Variants in MOG observed in about 807,000 individuals in gnomAD.
MOG encodes the protein myelin-oligodendrocyte glycoprotein.
A neutral mutation model predicts 35.9 loss-of-function variants in MOG; 20 were observed. The ratio of observed to expected loss-of-function variants is 0.56; its 90% CI spans 0.39 to 0.81. MOG has a LOEUF of 0.81. Among genes scored for constraint, MOG ranks in the 30% least tolerant of loss-of-function variants. MOG has a pLI of 0.00. For missense variants in MOG, 251 were observed against 301.0 expected (o/e 0.83, Z 1.23); for synonymous variants, 92 against 114.3 (o/e 0.80, Z 1.25).
At chr6:29,668,810 G>A (rs1304573002) in intron 5 of MOG, among the ~76,000 whole-genome samples, 1 of 152,122 alleles carries the variant, frequency 6.6e-6, no homozygotes, top group Non-Finnish European at 1.5e-5. Flanking sequence ...GGACCCCTTT[G>A]CAGAATGTTT....
intron 2 of MOG, 96 bp downstream of exon 2, chr6:29,659,762 A>C: frequency 6.2e-6 from 6 of 972,456 alleles, no homozygotes; most frequent in Non-Finnish European, 9.6e-6. Context: ...CAAACATCTC[A>C]GTCCTGGGAA....
At chr6:29,668,170 A>G (rs572060201) in intron 5 of MOG, among the ~76,000 whole-genome samples, 5 of 152,142 alleles carry the variant, frequency 3.3e-5, no homozygotes, top group Non-Finnish European at 7.4e-5. Flanking sequence ...ATTCTGTTTA[A>G]CTCCTTATGC....
intron 5 of MOG, among the ~76,000 whole-genome samples, chr6:29,668,839 T>C (rs531673729): frequency 1.1e-4 from 16 of 152,130 alleles, no homozygotes; most frequent in African/African-American, 2.9e-4. Flanking sequence ...ACACATAAAA[T>C]AGAACACATA....
rs1302566888 is a variant in MOG, at chr6:29,667,626, G to T, written c.551-17G>T. On this transcript the variant is annotated splice_polypyrimidine_tract_variant and intron_variant, in intron 3 of 7. Coordinates refer to ENST00000376917, the MANE Select transcript of MOG (RefSeq NM_206809.4). The stretch of plus-strand genomic sequence containing the variant: ...CAGAACATGCAGGAACTAAAATGTT[G>T]CCTTTTTCTATTTTAGGAAAACTTC... 1.2e-6 allele frequency: 2 copies of T among 1,613,928 alleles called. No homozygotes were observed. The highest frequency in any genetic ancestry group is 2.7e-5 in the African/African-American group (2 of 75,006).
chr6:29,670,048 C>A lies in MOG; in HGVS notation c.593-233C>A. 1 of 770,742 alleles carries A rather than the reference C, an allele frequency of 1.3e-6. No homozygotes were observed. Among genetic ancestry groups the A allele is most frequent in the Non-Finnish European group, 2.3e-6 (1 of 437,042 alleles). 47.7% of individuals were successfully genotyped at this position (770,742 alleles called of 1,614,324 possible). ...ACTCCCAGAGTGTTGGGATTACAGG[C>A]ATGAGCCACCACACCTGGCAGTTGT... is the stretch of plus-strand genomic sequence containing the variant. On this transcript the variant is annotated intron_variant, in intron 5 of 7. Coordinates refer to ENST00000376917, the MANE Select transcript of MOG (RefSeq NM_206809.4). The surrounding 1 kb of genome is among the most constrained non-coding windows in gnomAD (Gnocchi z 4.2).
Position 29,667,901 on chromosome 6 carries a change from C to T in MOG, c.572-3C>T. The T allele has an allele frequency of 6.2e-7, 1 of 1,613,404 alleles. No homozygotes were observed. The highest frequency in any genetic ancestry group is 8.5e-7 in the Non-Finnish European group (1 of 1,179,918). ...AATCCATTTCCATTTGTTTCTCTTT[C>T]AGAGAATCTCCACCGGACTTTTGGT... On this transcript the variant is annotated splice_polypyrimidine_tract_variant and splice_region_variant and intron_variant, in intron 4 of 7. Transcript: ENST00000376917.
chr6:29,670,254 C>T lies in MOG; in HGVS notation c.593-27C>T. Reference sequence around the variant, plus strand: ...GGGCATGAGGGGGAACACATGTTAACCCTGTTTGTTCTGGTGAACAATTCA... The same window carrying T: ...GGGCATGAGGGGGAACACATGTTAATCCTGTTTGTTCTGGTGAACAATTCA... On this transcript the variant is annotated intron_variant, in intron 5 of 7. Transcript: ENST00000376917. The surrounding 1 kb of genome is among the most constrained non-coding windows in gnomAD (Gnocchi z 4.2). 6.2e-7 allele frequency: 1 copy of T among 1,614,140 alleles called. No homozygotes were observed. Among genetic ancestry groups the T allele is most frequent in the African/African-American group, 1.3e-5 (1 of 75,030 alleles).
chr6:29,667,714 A>G (rs1414477763), intron 4 of MOG, 51 bp downstream of exon 4: 1 of 1,608,708 alleles, frequency 6.2e-7, no homozygotes, highest in East Asian at 2.2e-5. Flanking sequence ...GTTTTTTGGC[A>G]TAACGGAAAT....
Position 29,671,244 on chromosome 6 carries a change from G to A in MOG, c.*59G>A. On this transcript the variant is annotated 3_prime_UTR_variant, in exon 8 of 8. Transcript: ENST00000376917. Reference sequence around the variant, plus strand: ...CCTGGTTGCCCAGGGATTTGTCCTTGGGGACATCTCATCCATCAAGTTGCA... The same window carrying A: ...CCTGGTTGCCCAGGGATTTGTCCTTAGGGACATCTCATCCATCAAGTTGCA... 1 of 1,612,390 alleles carries A rather than the reference G, an allele frequency of 6.2e-7. No individual in the cohort carries two copies. The highest frequency in any genetic ancestry group is 8.5e-7 in the Non-Finnish European group (1 of 1,180,040).
In MOG at chr6:29,671,223, G is replaced by A. The variant is rs767668109; in HGVS notation, c.*38G>A. The A allele has an allele frequency of 1.9e-6, 3 of 1,612,612 alleles. No individual in the cohort carries two copies. The highest frequency in any genetic ancestry group is 1.3e-5 in the African/African-American group (1 of 74,926). On this transcript the variant is annotated 3_prime_UTR_variant, in exon 8 of 8. Coordinates refer to ENST00000376917, the MANE Select transcript of MOG (RefSeq NM_206809.4). Reference sequence around the variant, plus strand: ...CTTGGCAGGGGTGGAGGAGAGCCTGGTTGCCCAGGGATTTGTCCTTGGGGA... The same window carrying A: ...CTTGGCAGGGGTGGAGGAGAGCCTGATTGCCCAGGGATTTGTCCTTGGGGA...
In MOG at chr6:29,663,113, CA is replaced by C. The variant is rs1769255357; in HGVS notation, c.437-3034del. Among the ~76,000 whole-genome samples, 3 of 151,900 alleles carry C rather than the reference CA, an allele frequency of 2.0e-5. No individual in the cohort carries two copies. In the South Asian group the frequency reaches 6.2e-4, roughly 31 times the overall value. On this transcript the variant is annotated intron_variant, in intron 2 of 7. Coordinates refer to ENST00000376917, the MANE Select transcript of MOG (RefSeq NM_206809.4). ...TGAAACCCCATTTCTACTACAAATA[CA>C]AAAACAAAATTAGCCTGGCGTGGTG...
Position 29,671,351 on chromosome 6 carries a change from C to T in MOG, c.*166C>T. On this transcript the variant is annotated 3_prime_UTR_variant, in exon 8 of 8. Coordinates refer to ENST00000376917, the MANE Select transcript of MOG (RefSeq NM_206809.4). Reference sequence around the variant, plus strand: ...TGAATTCCAAGTAGAATTGATTTCCCTTCTTCTGTCATCTACCTTTTCTCT... The same window carrying T: ...TGAATTCCAAGTAGAATTGATTTCCTTTCTTCTGTCATCTACCTTTTCTCT... 3 of 1,611,870 alleles carry T rather than the reference C, an allele frequency of 1.9e-6. No individual in the cohort carries two copies. Among genetic ancestry groups the T allele is most frequent in the South Asian group, 1.1e-5 (1 of 91,032 alleles).
Position 29,670,676 on chromosome 6 carries a change from CA to C in MOG, c.710-24del, listed in dbSNP as rs747937411. 1 of 1,611,836 alleles carries C rather than the reference CA, an allele frequency of 6.2e-7. No individual in the cohort carries two copies. The highest frequency in any genetic ancestry group is 8.5e-7 in the Non-Finnish European group (1 of 1,179,422). On this transcript the variant is annotated intron_variant, in intron 6 of 7. Transcript: ENST00000376917. The surrounding 1 kb of genome is among the most constrained non-coding windows in gnomAD (Gnocchi z 4.2). Reference sequence around the variant, plus strand: ...GGTGCTATTCATCTTCCACTAATCACATATTTGTTTCTTTTTGTTTTCAGGG... The same window carrying C: ...GGTGCTATTCATCTTCCACTAATCACTATTTGTTTCTTTTTGTTTTCAGGG...
At position 29,667,646 on chromosome 6, in the gene MOG, A is replaced by G; in HGVS notation, c.554A>G (p.Lys185Arg). 1 of 1,613,928 alleles carries G rather than the reference A, an allele frequency of 6.2e-7. No homozygotes were observed. The highest frequency in any genetic ancestry group is 8.5e-7 in the Non-Finnish European group (1 of 1,179,992). Residue 185 changes from lysine to arginine, a missense_variant, in exon 4 of 8, where the codon AAA (lysine) becomes AGA (arginine). Physicochemically the swap from Lys to Arg is conservative, Grantham distance 26. Transcript: ENST00000376917. ...FLCLQYRLRGKLRAEIENLHR... is the reference protein window; with the variant it reads ...FLCLQYRLRGRLRAEIENLHR... ...ATGTTGCCTTTTTCTATTTTAGGAA[A>G]ACTTCGAGCAGAGATAGGTGAGTTC... is the stretch of plus-strand genomic sequence containing the variant.
intron 2 of MOG, chr6:29,661,197 TC>T (rs1768643534): frequency 5.0e-6 from 1 of 199,890 alleles, no homozygotes; most frequent in African/African-American, 2.4e-5. Context: ...TGCCTTTTCC[TC>T]CTCCCCACCT....
Position 29,659,590 on chromosome 6 carries a change from A to C in MOG, c.360A>C (p.Ser120=). 6.2e-7 allele frequency: 1 copy of C among 1,613,092 alleles called. No homozygotes were observed. Among genetic ancestry groups the C allele is most frequent in the Non-Finnish European group, 8.5e-7 (1 of 1,180,002 alleles). Residue 120 remains serine, a synonymous_variant, in exon 2 of 8, where the codon TCA becomes TCC. Coordinates refer to ENST00000376917, the MANE Select transcript of MOG (RefSeq NM_206809.4). ...TCAGGATCCGGAATGTAAGGTTCTCAGATGAAGGAGGTTTCACCTGCTTCT... is the reference window on the plus strand; with the variant it reads ...TCAGGATCCGGAATGTAAGGTTCTCCGATGAAGGAGGTTTCACCTGCTTCT... ...VTLRIRNVRF[S]DEGGFTCFFR...
chr6:29,666,315 G>C, intron 3 of MOG, 50 bp downstream of exon 3: 1 of 1,051,418 alleles, frequency 9.5e-7, no homozygotes, highest in Non-Finnish European at 1.5e-6. Flanking sequence ...AAATGAGCTG[G>C]CTTCTTGGAG....
chr6:29,668,521 A>C (rs560689410), intron 5 of MOG, among the ~76,000 whole-genome samples: 2 of 152,224 alleles, frequency 1.3e-5, no homozygotes, highest in Non-Finnish European at 2.9e-5. Context: ...TGTTGCAGAC[A>C]CTAGAAGGTG....
At chr6:29,664,988 AG>A (rs1479154368) in intron 2 of MOG, among the ~76,000 whole-genome samples, 2 of 152,236 alleles carry the variant, frequency 1.3e-5, no homozygotes, top group Admixed American at 1.3e-4. Context: ...AACAAGAGTT[AG>A]GGTGACCCTA....
Sources: allele counts gnomAD v4.1 joint callset (sites outside exome capture counted in the v4.1 genomes callset), GRCh38; gene constraint gnomAD v4.1.1; non-coding constraint Gnocchi (gnomAD v3.1); transcripts MANE v1.5; gene names NCBI Gene and HGNC (gene_info 2026-07-23, HGNC 2026-07-21).